MTOR: variants seen among roughly 807,000 people sequenced by gnomAD.
The protein encoded by MTOR is mechanistic target of rapamycin kinase.
Under a neutral mutation model 319.8 loss-of-function variants are expected in MTOR, and 70 were observed. That is an observed-to-expected ratio of 0.22 (90% confidence interval 0.18 to 0.27). The LOEUF (loss-of-function observed/expected upper bound fraction) is 0.27. Among genes scored for constraint, MTOR ranks in the 10% least tolerant of loss-of-function variants. The probability of loss-of-function intolerance (pLI) is 1.00; values close to 1 mark genes in which losing one functional copy is unlikely to be tolerated. For synonymous variants in MTOR, 1,183 were observed against 1,211.4 expected, an observed-to-expected ratio of 0.98 and a Z score of 0.49; for missense variants, 1,890 against 3,274.4, an observed-to-expected ratio of 0.58 and a Z score of 10.32.
intron 28 of MTOR, among the ~76,000 whole-genome samples, chr1:11,169,525 C>A (rs1384261539): frequency 6.6e-6 from 1 of 152,146 alleles, no homozygotes; most frequent in Non-Finnish European, 1.5e-5. Context: ...TGATCACATG[C>A]TGACGTGATA....
chr1:11,210,821 A>G lies in MTOR; in HGVS notation c.3647T>C (p.Ile1216Thr), dbSNP rs2100787016. Residue 1216 changes from isoleucine (I) to threonine (T), a missense_variant, in exon 24 of 58, where the codon ATT becomes ACT. Ile to Thr is a moderately conservative substitution (Grantham distance 89, BLOSUM62 -1). This residue lies in a region of MTOR where 115 missense variants were observed against 105.7 expected (regional missense o/e 1.09). Coordinates refer to ENST00000361445, the MANE Select transcript of MTOR (RefSeq NM_004958.4). ...HQRYDVLICRIVKGYTLADEE... is the reference protein window; with the variant it reads ...HQRYDVLICRTVKGYTLADEE... Reference sequence around the variant, plus strand: ...AAAAGAAGTATAGTTCACCTTGACAATTCTGCAGATGAGCACATCATAGCG... The same window carrying G: ...AAAAGAAGTATAGTTCACCTTGACAGTTCTGCAGATGAGCACATCATAGCG... The G allele has an allele frequency of 6.2e-7, 1 of 1,609,728 alleles. No individual in the cohort carries two copies. Among genetic ancestry groups the G allele is most frequent in the Non-Finnish European group, 8.5e-7 (1 of 1,177,002 alleles).
chr1:11,203,385 TA>T (rs1421826236), intron 26 of MTOR, among the ~76,000 whole-genome samples: 2 of 151,982 alleles, frequency 1.3e-5, no homozygotes, highest in Non-Finnish European at 1.5e-5. Flanking sequence ...TATGTATCAA[TA>T]AAAAAAATTT....
At position 11,247,837 on chromosome 1, in the gene MTOR, C is replaced by T. The variant is rs755489314; in HGVS notation, c.1098G>A (p.Met366Ile). 1 of 1,613,546 alleles carries T rather than the reference C, an allele frequency of 6.2e-7. No individual in the cohort carries two copies. The highest frequency in any genetic ancestry group is 1.1e-5 in the South Asian group (1 of 91,056). The part of the protein sequence containing the change: ...LVESRCCRDL[M>I]EEKFDQVCQW... ...CACTTACCTGATCAAATTTCTCCTCCATCAAGTCTCTGCAACACCGGCTCT... is the reference window on the plus strand; with the variant it reads ...CACTTACCTGATCAAATTTCTCCTCTATCAAGTCTCTGCAACACCGGCTCT... The change falls in exon 7 of 58, where the codon ATG (methionine) becomes ATA (isoleucine). Residue 366 changes from methionine (M) to isoleucine (I), a missense_variant. By Grantham distance (10) the Met-to-Ile change is conservative. Coordinates refer to ENST00000361445, the MANE Select transcript of MTOR (RefSeq NM_004958.4).
chr1:11,203,671 A>G (rs963943922), intron 26 of MTOR, among the ~76,000 whole-genome samples: 3 of 152,222 alleles, frequency 2.0e-5, no homozygotes, highest in Non-Finnish European at 4.4e-5. Flanking sequence ...GACTCTCAAA[A>G]AAAGAAAAAA....
At position 11,234,125 on chromosome 1, in the gene MTOR, CCT is replaced by C; in HGVS notation, c.2331+16_2331+17del. 6.2e-7 allele frequency: 1 copy of C among 1,614,088 alleles called. No individual in the cohort carries two copies. The highest frequency in any genetic ancestry group is 8.5e-7 in the Non-Finnish European group (1 of 1,179,998). On this transcript the variant is annotated intron_variant, in intron 14 of 57. Coordinates refer to ENST00000361445, the MANE Select transcript of MTOR (RefSeq NM_004958.4). The stretch of plus-strand genomic sequence containing the variant: ...TGACAACGCACAGAGAAAGCACCAG[CCT>C]CTCGGTTTGTGTTACCTTCAGAATA...
intron 28 of MTOR, among the ~76,000 whole-genome samples, chr1:11,180,523 C>T (rs879576373): frequency 5.3e-5 from 8 of 152,142 alleles, no homozygotes; most frequent in African/African-American, 1.9e-4. Flanking sequence ...AATGACCAGG[C>T]CTGTTTTCCA....
At chr1:11,257,194 T>C (rs1241116247) in intron 3 of MTOR, 29 bp from the exon 4 acceptor site, 1 of 1,578,560 alleles carries the variant, frequency 6.3e-7, no homozygotes, top group Non-Finnish European at 8.7e-7. Flanking sequence ...CAAAAGGTGA[T>C]GATGGGGCGT....
intron 46 of MTOR, among the ~76,000 whole-genome samples, chr1:11,125,158 C>T (rs1642760026): frequency 6.6e-6 from 1 of 152,316 alleles, no homozygotes; most frequent in Non-Finnish European, 1.5e-5. Flanking sequence ...GGGCTCCTTG[C>T]TCTTTCAGTT....
At chr1:11,232,396 T>TG in intron 16 of MTOR, 40 bp downstream of exon 16, 1 of 1,499,302 alleles carries the variant, frequency 6.7e-7, no homozygotes, top group Non-Finnish European at 9.3e-7. Flanking sequence ...CCTGGACTCA[T>TG]GGGGTCTGTC....
intron 1 of MTOR, among the ~76,000 whole-genome samples, chr1:11,261,427 G>A (rs1344499941): frequency 6.6e-6 from 1 of 151,752 alleles, no homozygotes; most frequent in Non-Finnish European, 1.5e-5. Flanking sequence ...AGCAGAGATC[G>A]AGCCACTGCA....
At chr1:11,241,247 G>T (rs555898353) in intron 10 of MTOR, among the ~76,000 whole-genome samples, 1 of 151,248 alleles carries the variant, frequency 6.6e-6, no homozygotes, top group African/African-American at 2.4e-5. Context: ...CGTGAACCCG[G>T]GAGGCGGAGC....
In MTOR at chr1:11,109,520, T is replaced by C. The variant is rs1198061632; in HGVS notation, c.7447+129A>G. The C allele has an allele frequency of 4.1e-6, 5 of 1,217,998 alleles. No individual in the cohort carries two copies. In the African/African-American group the frequency reaches 6.1e-5, roughly 15 times the overall value. 75.4% of individuals were successfully genotyped at this position (1,217,998 alleles called of 1,614,324 possible). A position where few individuals can be genotyped will look rare whatever the true frequency, so the allele number is the denominator to read the frequency against. ...TTTGTCCTCAGAATATAATGAGAAA[T>C]TCATGGAACCTTTTCTGCTCAAAGG... On this transcript the variant is annotated intron_variant, in intron 55 of 57. Coordinates refer to ENST00000361445, the MANE Select transcript of MTOR (RefSeq NM_004958.4). The surrounding 1 kb of genome is among the most constrained non-coding windows in gnomAD (Gnocchi z 4.0).
At position 11,155,771 on chromosome 1, in the gene MTOR, G is replaced by A. The variant is rs543281051; in HGVS notation, c.4469+1381C>T. 3.3e-5 allele frequency among the ~76,000 whole-genome samples: 5 copies of A among 152,272 alleles called. No individual in the cohort carries two copies. The South Asian group carries it at 6.2e-4, about 19-fold the overall frequency. ...CACAATGTATTACGACAGCCTGGTT[G>A]TCTGTCCTGTAAGCTCTGGGAAGGC... On this transcript the variant is annotated intron_variant, in intron 30 of 57. Coordinates refer to ENST00000361445, the MANE Select transcript of MTOR (RefSeq NM_004958.4).
rs1182792363 is a variant in MTOR at position 11,139,646 on chromosome 1, T to G, written c.4885A>C (p.Ile1629Leu). ...AGGATTTTCTGCCAGTCCTCTACGA[T>G]ACGCTGGCAGCCCTGGAACATTCAG... is the stretch of plus-strand genomic sequence containing the variant. The part of the protein sequence containing the change: ...WWERLQGCQR[I>L]VEDWQKILMV... Residue 1629 changes from isoleucine (I) to leucine (L), a missense_variant, in exon 35 of 58, where the codon ATC becomes CTC. Ile to Leu is a conservative substitution (Grantham distance 5, BLOSUM62 2). This residue lies in a region of MTOR where 276 missense variants were observed against 459.4 expected (regional missense o/e 0.60). Transcript: ENST00000361445. 2.5e-5 allele frequency: 41 copies of G among 1,614,226 alleles called. No homozygotes were observed. Among genetic ancestry groups the G allele is most frequent in the Non-Finnish European group, 3.2e-5 (38 of 1,180,046 alleles).
At position 11,127,034 on chromosome 1, in the gene MTOR, T is replaced by C. The variant is rs758625091; in HGVS notation, c.6327A>G (p.Arg2109=). Residue 2109 remains arginine (R), a synonymous_variant, in exon 45 of 58, where the codon CGA becomes CGG. Coordinates refer to ENST00000361445, the MANE Select transcript of MTOR (RefSeq NM_004958.4). This position sits in a 1 kb window ranked among gnomAD's most constrained non-coding sequence, Gnocchi z 5.5. ...CCTGAGGCAGCTGCTTTGAGATTCGTCGGAACACATGATAATAGAGGTCCC... is the reference window on the plus strand; with the variant it reads ...CCTGAGGCAGCTGCTTTGAGATTCGCCGGAACACATGATAATAGAGGTCCC... ...QAWDLYYHVF[R]RISKQLPQLT... The C allele has an allele frequency of 1.9e-6, 3 of 1,614,134 alleles. No individual in the cohort carries two copies. The highest frequency in any genetic ancestry group is 2.5e-6 in the Non-Finnish European group (3 of 1,180,026).
intron 28 of MTOR, among the ~76,000 whole-genome samples, chr1:11,171,446 C>T (rs1243156256): frequency 6.6e-6 from 1 of 151,726 alleles, no homozygotes; most frequent in Non-Finnish European, 1.5e-5. Flanking sequence ...TGCACCTGGC[C>T]TCCAGCCTAT....
intron 47 of MTOR, 150 bp downstream of exon 47, chr1:11,124,348 G>T (rs1642706027): frequency 9.7e-7 from 1 of 1,033,056 alleles, no homozygotes. Flanking sequence ...TCAACCTCTG[G>T]AGTTTCTGGG....
chr1:11,201,477 A>T (rs1207632485), intron 26 of MTOR, among the ~76,000 whole-genome samples: 1 of 152,236 alleles, frequency 6.6e-6, no homozygotes, highest in Admixed American at 6.5e-5. Context: ...TGCTAAATAT[A>T]TATCATAACA....
At chr1:11,151,475 G>C (rs1362807619) in intron 30 of MTOR, among the ~76,000 whole-genome samples, 1 of 151,872 alleles carries the variant, frequency 6.6e-6, no homozygotes, top group Non-Finnish European at 1.5e-5. Flanking sequence ...CCCTGCTAGG[G>C]GTTCCCTTAG....
Sources: allele counts gnomAD v4.1 joint callset (sites outside exome capture counted in the v4.1 genomes callset), GRCh38; gene constraint gnomAD v4.1.1; regional missense constraint gnomAD v4.1.1; non-coding constraint Gnocchi (gnomAD v3.1); transcripts MANE v1.5; gene names NCBI Gene and HGNC (gene_info 2026-07-23, HGNC 2026-07-21).